The following WDR59 variants were observed in gnomAD, a reference collection of about 807,000 sequenced individuals.
The protein encoded by WDR59 is WD repeat domain 59.
WDR59 carries 100 observed loss-of-function variants against 131.2 expected under a neutral mutation model. The ratio of observed to expected loss-of-function variants is 0.76; its 90% CI spans 0.65 to 0.90. The LOEUF (loss-of-function observed/expected upper bound fraction) is 0.90. Ranked by LOEUF, WDR59 falls within the 40% of genes least tolerant of loss-of-function variation. WDR59 has a pLI of 0.00. For synonymous variants in WDR59, 601 were observed against 466.2 expected (o/e 1.29, Z -3.72); for missense variants, 1,203 against 1,262.2 (o/e 0.95, Z 0.71).
chr16:74,913,069 TTG>T (rs1491349400), intron 13 of WDR59, among the ~76,000 whole-genome samples: 6 of 7,632 alleles, frequency 7.9e-4, no homozygotes, highest in Admixed American at 6.1e-3. Context: ...TGGCTAGATT[TTG>T]GGGGGGGGGG....
chr16:74,950,747 C>T (rs988985595), intron 4 of WDR59, among the ~76,000 whole-genome samples: 5 of 152,142 alleles, frequency 3.3e-5, no homozygotes, highest in Admixed American at 2.0e-4. Flanking sequence ...GCTCTGTAAC[C>T]GCTGCTGCCG....
At chr16:74,977,272 A>T (rs557367829) in intron 1 of WDR59, among the ~76,000 whole-genome samples, 11 of 152,148 alleles carry the variant, frequency 7.2e-5, no homozygotes, top group South Asian at 2.1e-4. Context: ...TTAAAAAAAA[A>T]TTTTTAATAC....
At chr16:74,879,889 G>C (rs927573086) in intron 25 of WDR59, among the ~76,000 whole-genome samples, 1 of 152,128 alleles carries the variant, frequency 6.6e-6, no homozygotes, top group Non-Finnish European at 1.5e-5. Flanking sequence ...TACAGGTTCA[G>C]TGAGAGTCTG....
At chr16:74,944,869 C>T (rs531796965) in intron 6 of WDR59, among the ~76,000 whole-genome samples, 2 of 152,254 alleles carry the variant, frequency 1.3e-5, no homozygotes, top group South Asian at 2.1e-4. Flanking sequence ...CGCAGAGGCT[C>T]ACTCCCAGCA....
chr16:74,934,782 T>C (rs1412737731), intron 8 of WDR59, among the ~76,000 whole-genome samples: 1 of 151,738 alleles, frequency 6.6e-6, no homozygotes, highest in African/African-American at 2.4e-5. Flanking sequence ...ACAAAATATA[T>C]ATTTGTTCTT....
At chr16:74,971,549 C>T (rs548437838) in intron 1 of WDR59, among the ~76,000 whole-genome samples, 102 of 150,774 alleles carry the variant, frequency 6.8e-4, no homozygotes, top group Admixed American at 2.5e-3. Flanking sequence ...TCTCCCGCCT[C>T]AGCCTCCTGA....
rs1451522523 is a variant in WDR59 at position 74,922,011 on chromosome 16, T to G, written c.822A>C (p.Pro274=). The change falls in exon 10 of 26, where the codon CCA becomes CCC. Residue 274 remains proline, a synonymous_variant. Transcript: ENST00000262144. The part of the protein sequence containing the change: ...LLWNVFDLNT[P]VHTFVGHDDV... ...CATCATGCCCCACGAAGGTGTGGAC[T>G]GGGGTGTTCAAGTCAAAGACATTCC... 6.2e-7 allele frequency: 1 copy of G among 1,614,188 alleles called. No individual in the cohort carries two copies.
chr16:74,960,263 A>C (rs1226314180), intron 2 of WDR59, among the ~76,000 whole-genome samples: 1 of 151,802 alleles, frequency 6.6e-6, no homozygotes, highest in Non-Finnish European at 1.5e-5. Flanking sequence ...CCCAGGAGGC[A>C]GAGGTTGCAG....
intron 10 of WDR59, 35 bp downstream of exon 10, chr16:74,921,912 A>G (rs1411678115): frequency 6.2e-7 from 1 of 1,605,038 alleles, no homozygotes; most frequent in Admixed American, 1.7e-5. Context: ...ACCAGAGCTC[A>G]GAAGGAAAGT....
chr16:74,904,096 G>A lies in WDR59; in HGVS notation c.1717C>T (p.Leu573Phe). ...VSPTEPTPRS[L>F]SALSAYHTGL... Reference sequence around the variant, plus strand: ...GTGTGATAAGCAGACAAGGCTGAGAGAGATCTGTAGTTGAAAATGATAATT... The same window carrying A: ...GTGTGATAAGCAGACAAGGCTGAGAAAGATCTGTAGTTGAAAATGATAATT... The change falls in exon 18 of 26, where the codon CTC becomes TTC. Residue 573 changes from leucine (L) to phenylalanine (F), a missense_variant. Leu to Phe is a conservative substitution (Grantham distance 22, BLOSUM62 0). Coordinates refer to ENST00000262144, the MANE Select transcript of WDR59 (RefSeq NM_030581.4). 6.2e-7 allele frequency: 1 copy of A among 1,612,746 alleles called. No homozygotes were observed. Among genetic ancestry groups the A allele is most frequent in the Non-Finnish European group, 8.5e-7 (1 of 1,179,528 alleles).
rs542244530 is a variant in WDR59, at chr16:74,946,488, G to A, written c.445+2031C>T. Among the ~76,000 whole-genome samples, 47 of 152,220 alleles carry A rather than the reference G, an allele frequency of 3.1e-4. 1 individual carries two copies. The highest frequency in any genetic ancestry group is 7.9e-4 in the African/African-American group (33 of 41,552). On this transcript the variant is annotated intron_variant, in intron 6 of 25. Transcript: ENST00000262144. ...TATAATCCCAACACTTTAGGAGGCCGAGGCAGGCAGATCACTTGAGGTCAG... is the reference window on the plus strand; with the variant it reads ...TATAATCCCAACACTTTAGGAGGCCAAGGCAGGCAGATCACTTGAGGTCAG...
chr16:74,923,860 C>G, intron 9 of WDR59, 66 bp downstream of exon 9: 1 of 1,398,778 alleles, frequency 7.1e-7, no homozygotes, highest in Non-Finnish European at 9.9e-7. Context: ...AAAATGTCCC[C>G]GGGCTCCTTC....
At chr16:74,903,306 G>A (rs1965640530) in intron 18 of WDR59, among the ~76,000 whole-genome samples, 1 of 152,312 alleles carries the variant, frequency 6.6e-6, no homozygotes, top group East Asian at 1.9e-4. Context: ...CCTGCAATCT[G>A]TCAACACAGA....
At chr16:74,894,037 A>G in intron 18 of WDR59, 1 of 458,694 alleles carries the variant, frequency 2.2e-6, no homozygotes. Context: ...TACATTCTGC[A>G]GGTGCTCAAA....
chr16:74,890,163 T>A (rs570315606), intron 20 of WDR59, among the ~76,000 whole-genome samples: 31 of 152,240 alleles, frequency 2.0e-4, no homozygotes, highest in Admixed American at 3.9e-4. Flanking sequence ...TTTATTTTAC[T>A]TTTTTGAGAC....
At chr16:74,924,594 T>C (rs775248847) in intron 8 of WDR59, among the ~76,000 whole-genome samples, 1 of 152,194 alleles carries the variant, frequency 6.6e-6, no homozygotes, top group Non-Finnish European at 1.5e-5. Flanking sequence ...GTTCTTGAAA[T>C]TGTAGAGCAC....
chr16:74,938,408 T>C (rs982767407), intron 7 of WDR59, 142 bp from the exon 8 acceptor site: 5 of 519,016 alleles, frequency 9.6e-6, no homozygotes, highest in African/African-American at 2.0e-5. Flanking sequence ...TTGTTTGTTT[T>C]GGTTAAGCCA....
Position 74,874,211 on chromosome 16 carries a change from A to C in WDR59, c.2923T>G (p.Ter975GlyextTer15). The change falls in exon 26 of 26, where the codon TGA becomes GGA. Residue 975 changes from the stop codon to glycine, a stop_lost. Coordinates refer to ENST00000262144, the MANE Select transcript of WDR59 (RefSeq NM_030581.4). Reference protein sequence around the residue: ...GCHCLLESTF* With the variant: ...GCHCLLESTFG ...GACAATACCCAACTTCTGTAGGTTC[A>C]GAAAGTGCTTTCAAGCAGGCAGTGG... 6.2e-7 allele frequency: 1 copy of C among 1,613,366 alleles called. No homozygotes were observed. Among genetic ancestry groups the C allele is most frequent in the South Asian group, 1.1e-5 (1 of 90,980 alleles).
At chr16:74,885,566 A>G (rs576664778) in intron 25 of WDR59, 87 bp downstream of exon 25, 2 of 1,452,606 alleles carry the variant, frequency 1.4e-6, no homozygotes, top group Admixed American at 4.9e-5. Context: ...GAGAAGCTGA[A>G]ACTTCATTCC....
Sources: gnomAD v4.1 joint callset for allele counts (sites outside exome capture counted in the v4.1 genomes callset) on GRCh38, gnomAD v4.1.1 for gene constraint, MANE v1.5 for transcripts, NCBI Gene and HGNC (gene_info 2026-07-23, HGNC 2026-07-21) for gene names.